ELMO1: variants seen among roughly 807,000 people sequenced by gnomAD.
ELMO1 encodes engulfment and cell motility 1, also known as engulfment and cell motility protein 1.
A neutral mutation model predicts 98.9 loss-of-function variants in ELMO1; 26 were observed. The ratio of observed to expected loss-of-function variants is 0.26; its 90% CI spans 0.19 to 0.36. The LOEUF is 0.36. ELMO1 is among the 10% of genes least tolerant of loss of function. The pLI, the probability that ELMO1 is intolerant of heterozygous loss-of-function variation, is 1.00. For synonymous variants in ELMO1, 346 were observed against 346.0 expected (o/e 1.00, Z 0.00); for missense variants, 627 against 935.2 (o/e 0.67, Z 4.30).
intron 19 of ELMO1, among the ~76,000 whole-genome samples, chr7:36,872,373 G>A (rs1466522096): frequency 1.3e-5 from 2 of 152,222 alleles, no homozygotes; most frequent in Non-Finnish European, 2.9e-5. Flanking sequence ...GTTCCTGAAT[G>A]ACTATATGGA....
chr7:36,940,577 TG>T (rs1330614018), intron 16 of ELMO1, among the ~76,000 whole-genome samples: 1 of 152,246 alleles, frequency 6.6e-6, no homozygotes. Context: ...AGTTTCTTTT[TG>T]GAGGGGACAT....
At chr7:37,307,479 A>T (rs930809685) in intron 4 of ELMO1, among the ~76,000 whole-genome samples, 7 of 152,276 alleles carry the variant, frequency 4.6e-5, no homozygotes, top group African/African-American at 1.7e-4. Context: ...ACTGTGAGTC[A>T]ATTAAACCTC....
rs7778474 is a variant in ELMO1, at chr7:37,128,417, A to T, written c.1191+4713T>A. Among the ~76,000 whole-genome samples, 1,342 of 152,176 alleles carry T rather than the reference A, an allele frequency of 8.8e-3. 17 individuals are homozygous for T. Among genetic ancestry groups the T allele is most frequent in the African/African-American group, 0.031 (1,273 of 41,502 alleles). Reference sequence around the variant, plus strand: ...AGTGAAACATTTCTAGAAAAAGTAAAAGCAATTATACCCAGAGTAAGTAAG... The same window carrying T: ...AGTGAAACATTTCTAGAAAAAGTAATAGCAATTATACCCAGAGTAAGTAAG... On this transcript the variant is annotated intron_variant, in intron 14 of 21. Coordinates refer to ENST00000310758, the MANE Select transcript of ELMO1 (RefSeq NM_014800.11).
intron 14 of ELMO1, among the ~76,000 whole-genome samples, chr7:37,097,785 C>A (rs191335058): frequency 1.3e-5 from 2 of 152,226 alleles, no homozygotes; most frequent in East Asian, 3.9e-4. Flanking sequence ...CAAGAGACAG[C>A]AAGAGACCTA....
intron 15 of ELMO1, among the ~76,000 whole-genome samples, chr7:37,069,334 G>A (rs957303868): frequency 3.3e-5 from 5 of 152,142 alleles, no homozygotes; most frequent in Admixed American, 6.6e-5. Context: ...AGAAGGAAAA[G>A]AATATGTTTC....
At chr7:37,244,254 T>C in intron 7 of ELMO1, 102 bp downstream of exon 7, 1 of 1,178,946 alleles carries the variant, frequency 8.5e-7, no homozygotes, top group Non-Finnish European at 1.2e-6. Context: ...TTATTCAAAA[T>C]ACTAGATGCA....
At chr7:37,289,302 C>A (rs1027025927) in intron 4 of ELMO1, among the ~76,000 whole-genome samples, 3 of 152,166 alleles carry the variant, frequency 2.0e-5, no homozygotes, top group African/African-American at 4.8e-5. Context: ...TATGCTATAA[C>A]CTTCAGTCAA....
intron 1 of ELMO1, among the ~76,000 whole-genome samples, chr7:37,367,954 A>G (rs1162913065): frequency 1.3e-5 from 2 of 152,234 alleles, no homozygotes; most frequent in African/African-American, 2.4e-5. Context: ...CTATCGCCAA[A>G]CAGGACCAAT....
chr7:36,884,276 C>T (rs906841686), intron 18 of ELMO1, among the ~76,000 whole-genome samples: 3 of 149,206 alleles, frequency 2.0e-5, no homozygotes, highest in Non-Finnish European at 4.4e-5. Flanking sequence ...GAGATCATGC[C>T]ATTGCACTCC....
intron 14 of ELMO1, among the ~76,000 whole-genome samples, chr7:37,101,481 T>C (rs999267940): frequency 1.3e-5 from 2 of 152,080 alleles, no homozygotes; most frequent in African/African-American, 4.8e-5. Context: ...ATGGTCTAAA[T>C]AGGGGAGGGG....
intron 13 of ELMO1, among the ~76,000 whole-genome samples, chr7:37,168,745 C>G (rs1410379141): frequency 6.6e-6 from 1 of 152,200 alleles, no homozygotes; most frequent in Non-Finnish European, 1.5e-5. Flanking sequence ...CAGTCTGCCC[C>G]TACTGGGGGG....
At chr7:37,256,249 G>C (rs73110812) in intron 6 of ELMO1, among the ~76,000 whole-genome samples, 1,852 of 152,098 alleles carry the variant, frequency 0.012, 37 homozygotes, top group African/African-American at 0.039. Context: ...ATAAGCAGAG[G>C]TTTCGTCATC....
intron 13 of ELMO1, among the ~76,000 whole-genome samples, chr7:37,151,429 C>G (rs1244074118): frequency 6.6e-6 from 1 of 152,114 alleles, no homozygotes; most frequent in Admixed American, 6.5e-5. Flanking sequence ...TCCCGGTGGT[C>G]CCCTGTAAAT....
rs182360166 is a variant in ELMO1 at position 37,244,120 on chromosome 7, C to T, written c.449+236G>A. Among the ~76,000 whole-genome samples, 1,331 of 152,128 alleles carry T rather than the reference C, an allele frequency of 8.7e-3. 8 individuals carry two copies. The highest frequency in any genetic ancestry group is 0.014 in the Non-Finnish European group (929 of 67,978). On this transcript the variant is annotated intron_variant, in intron 7 of 21. Transcript: ENST00000310758. Reference sequence around the variant, plus strand: ...CAATCTTTCTGTGGTTACAGCATCACTTAGTGGTTACATACATAAAATATT... The same window carrying T: ...CAATCTTTCTGTGGTTACAGCATCATTTAGTGGTTACATACATAAAATATT...
chr7:37,246,006 C>T (rs537696190), intron 6 of ELMO1, among the ~76,000 whole-genome samples: 29 of 152,284 alleles, frequency 1.9e-4, no homozygotes, highest in African/African-American at 6.0e-4. Flanking sequence ...GGGAAAAACA[C>T]ACGAATCTGC....
rs1486846711 is a variant in ELMO1 at position 36,878,024 on chromosome 7, G to T, written c.1808C>A (p.Ser603Tyr). 6.2e-7 allele frequency: 1 copy of T among 1,613,828 alleles called. No individual in the cohort carries two copies. The highest frequency in any genetic ancestry group is 1.1e-5 in the South Asian group (1 of 91,022). ...GAGCTACTTACGTTTGTCCTGCAAG[G>T]AATCGTGGGGCACTTCTCCCTGAGG... The part of the protein sequence containing the change: ...ESPQGEVPHD[S>Y]LQDKLPVADI... Residue 603 changes from serine (S) to tyrosine (Y), a missense_variant, in exon 19 of 22, where the codon TCC (serine) becomes TAC (tyrosine). Coordinates refer to ENST00000310758, the MANE Select transcript of ELMO1 (RefSeq NM_014800.11).
intron 16 of ELMO1, among the ~76,000 whole-genome samples, chr7:37,011,540 C>T (rs1301832689): frequency 6.6e-6 from 1 of 152,176 alleles, no homozygotes; most frequent in African/African-American, 2.4e-5. Flanking sequence ...ATATCTGAAA[C>T]ATTATTATTT....
intron 7 of ELMO1, among the ~76,000 whole-genome samples, chr7:37,239,298 G>C (rs1263567425): frequency 6.6e-6 from 1 of 152,048 alleles, no homozygotes; most frequent in Non-Finnish European, 1.5e-5. Context: ...TCAAGTAGCT[G>C]GGATTACGGG....
intron 1 of ELMO1, chr7:37,375,921 G>A (rs201427790): frequency 4.7e-6 from 3 of 641,368 alleles, no homozygotes; most frequent in Non-Finnish European, 8.5e-6. Flanking sequence ...GTGCTGCTGT[G>A]CCTCCTGGTG....
Sources: allele counts gnomAD v4.1 joint callset (sites outside exome capture counted in the v4.1 genomes callset), GRCh38; gene constraint gnomAD v4.1.1; transcripts MANE v1.5; gene names NCBI Gene and HGNC (gene_info 2026-07-23, HGNC 2026-07-21).